RSRP1: variants seen among roughly 807,000 people sequenced by gnomAD.
RSRP1 encodes arginine and serine rich protein 1, also known as arginine/serine-rich protein 1.
A neutral mutation model predicts 33.0 loss-of-function variants in RSRP1; 37 were observed. The observed-to-expected ratio is 1.12, with a 90% CI of 0.86 to 1.48. The LOEUF (loss-of-function observed/expected upper bound fraction) is 1.48. Ranked by LOEUF, RSRP1 falls within the 40% of genes most tolerant of loss-of-function variation. RSRP1 has a pLI of 0.00. For synonymous variants in RSRP1, 167 were observed against 158.7 expected (o/e 1.05, Z -0.40); for missense variants, 402 against 385.3 (o/e 1.04, Z -0.36).
rs59919895 is a variant in RSRP1, at chr1:25,268,948, CAA to C, written c.-66-21921_-66-21920del. Among the ~76,000 whole-genome samples the C allele has an allele frequency of 1.1e-3, 78 of 72,570 alleles. 1 individual carries two copies. The highest frequency in any genetic ancestry group is 6.6e-3 in the East Asian group (27 of 4,090). The allele number at this position is 72,570 out of a possible 152,430, so 47.6% of individuals were successfully genotyped here. Reference sequence around the variant, plus strand: ...AGGCAACAAGAGCAAAACTTCATCTCAAAAAAAAAAAAAAAAATAGGGCAGTC... The same window carrying C: ...AGGCAACAAGAGCAAAACTTCATCTCAAAAAAAAAAAAAAATAGGGCAGTC... On this transcript the variant is annotated intron_variant, in intron 1 of 1. Coordinates refer to the RSRP1 transcript ENST00000561867.
At position 25,245,304 on chromosome 1, in the gene RSRP1, A is replaced by T. The variant is rs113744649; in HGVS notation, c.521-3T>A. On this transcript the variant is annotated splice_polypyrimidine_tract_variant and splice_region_variant and intron_variant, in intron 2 of 4. Coordinates refer to ENST00000243189, the MANE Select transcript of RSRP1 (RefSeq NM_020317.5). ...TATTTCTAACAGCTCCATTCGATCT[A>T]AAAAAAAAAGAGAGAGATTTTAAAA... 8.0e-7 allele frequency: 1 copy of T among 1,245,718 alleles called. No homozygotes were observed. The highest frequency in any genetic ancestry group is 1.1e-6 in the Non-Finnish European group (1 of 917,174). The allele number at this position is 1,245,718 out of a possible 1,614,324, so 77.2% of individuals were successfully genotyped here. A position where few individuals can be genotyped will look rare whatever the true frequency, so the allele number is the denominator to read the frequency against.
chr1:25,279,663 G>A (rs1422845480), intron 1 of RSRP1, among the ~76,000 whole-genome samples: 1 of 123,190 alleles, frequency 8.1e-6, no homozygotes, highest in South Asian at 2.5e-4. Flanking sequence ...TGCCTGGAAC[G>A]TGGGGTACTG....
At position 25,268,687 on chromosome 1, in the gene RSRP1, C is replaced by A. The variant is rs540147027; in HGVS notation, c.-66-21658G>T. On this transcript the variant is annotated intron_variant, in intron 1 of 1. Transcript: ENST00000561867. ...CAGAGGCCGGGCACAGTGGTTCACA[C>A]CTATAATCCCAGCACTTTGGGAGGT... 1.5e-5 allele frequency among the ~76,000 whole-genome samples: 2 copies of A among 130,388 alleles called. 1 individual carries two copies. The highest frequency in any genetic ancestry group is 3.9e-4 in the East Asian group (2 of 5,112). 85.5% of individuals were successfully genotyped at this position (130,388 alleles called of 152,430 possible).
chr1:25,268,400 TC>T lies in RSRP1; in HGVS notation c.-66-21372del, dbSNP rs754493645. On this transcript the variant is annotated intron_variant, in intron 1 of 1. Transcript: ENST00000561867. ...GCGGTGTGGTGGCTCATGCCTGTAG[TC>T]CCAGCTACTTGGGAGGCTGAGGAAG... Among the ~76,000 whole-genome samples, 165 of 130,880 alleles carry T rather than the reference TC, an allele frequency of 1.3e-3. 42 individuals carry two copies. The highest frequency in any genetic ancestry group is 2.5e-3 in the Non-Finnish European group (139 of 55,260). The allele number at this position is 130,880 out of a possible 152,430, so 85.9% of individuals were successfully genotyped here. A position where few individuals can be genotyped will look rare whatever the true frequency, so the allele number is the denominator to read the frequency against.
At chr1:25,256,007 G>T (rs887717280) in intron 1 of RSRP1, among the ~76,000 whole-genome samples, 20 of 152,174 alleles carry the variant, frequency 1.3e-4, no homozygotes, top group Non-Finnish European at 2.4e-4. Flanking sequence ...CATTGGCAAA[G>T]GGTGATACAT....
At chr1:25,271,195 T>A (rs1466489286) in intron 1 of RSRP1, among the ~76,000 whole-genome samples, 3 of 132,490 alleles carry the variant, frequency 2.3e-5, no homozygotes, top group African/African-American at 7.7e-5. Context: ...GAGCAAGAAG[T>A]GACTGATGCC....
At chr1:25,252,229 A>AT (rs59951328), upstream of RSRP1, among the ~76,000 whole-genome samples, 81 of 146,718 alleles carry the variant, frequency 5.5e-4, no homozygotes, top group East Asian at 1.4e-3. Flanking sequence ...CAGCTGGCTA[A>AT]TTTTTTTTTT....
chr1:25,336,716 T>C (rs1645081740), intron 1 of RSRP1, among the ~76,000 whole-genome samples: 1 of 151,044 alleles, frequency 6.6e-6, no homozygotes, highest in African/African-American at 2.5e-5. Flanking sequence ...GGTAAACTAA[T>C]GTTAAGTCAC....
chr1:25,258,549 C>T (rs773791602), intron 1 of RSRP1, among the ~76,000 whole-genome samples: 1 of 152,174 alleles, frequency 6.6e-6, no homozygotes, highest in Non-Finnish European at 1.5e-5. Context: ...AGACTGGCTC[C>T]TGCTGTCCTC....
chr1:25,261,090 G>T (rs540098370), intron 1 of RSRP1, among the ~76,000 whole-genome samples: 7 of 152,178 alleles, frequency 4.6e-5, no homozygotes, highest in African/African-American at 1.4e-4. Flanking sequence ...GTGAGCCACC[G>T]CACCCGGCCT....
intron 1 of RSRP1, chr1:25,322,072 G>C: frequency 1.7e-6 from 1 of 593,928 alleles, no homozygotes. Context: ...AACAAAAATG[G>C]AGTAAGGAGC....
intron 1 of RSRP1, chr1:25,329,320 C>A (rs1165482232): frequency 5.1e-6 from 2 of 393,838 alleles, no homozygotes; most frequent in East Asian, 3.5e-5. Flanking sequence ...TCTTGGCTCA[C>A]TGCAACCTCT....
At chr1:25,309,978 TAAAA>T (rs956074682) in intron 1 of RSRP1, among the ~76,000 whole-genome samples, 1 of 132,174 alleles carries the variant, frequency 7.6e-6, no homozygotes, top group East Asian at 2.0e-4. Flanking sequence ...ACTTATTACT[TAAAA>T]AAACCCCAAA....
chr1:25,306,308 G>C (rs1281573764), intron 1 of RSRP1, among the ~76,000 whole-genome samples: 1 of 131,822 alleles, frequency 7.6e-6, no homozygotes, highest in African/African-American at 2.6e-5. Context: ...GTCTACACTA[G>C]ACCCTTGCTA....
At chr1:25,272,627 T>C in intron 1 of RSRP1, 1 of 1,575,648 alleles carries the variant, frequency 6.3e-7, no homozygotes. Context: ...CTCATTCTCC[T>C]CTTCTATTTT....
intron 1 of RSRP1, among the ~76,000 whole-genome samples, chr1:25,313,831 T>A (rs574589580): frequency 1.5e-5 from 2 of 133,030 alleles, no homozygotes; most frequent in East Asian, 3.9e-4. Context: ...CTGAGAAAGC[T>A]GACTTGCAAG....
upstream of RSRP1, among the ~76,000 whole-genome samples, chr1:25,248,612 T>C (rs1324278384): frequency 6.6e-6 from 1 of 152,222 alleles, no homozygotes; most frequent in South Asian, 2.1e-4. Flanking sequence ...GCCCAGCCTA[T>C]ACACTTCTTT....
intron 2 of RSRP1, 99 bp from the exon 3 acceptor site, chr1:25,245,400 T>C (rs1449996557): frequency 2.4e-5 from 33 of 1,390,818 alleles, no homozygotes; most frequent in Non-Finnish European, 3.1e-5. Context: ...TTTTGTGGTA[T>C]TAAATATATT....
intron 1 of RSRP1, among the ~76,000 whole-genome samples, chr1:25,321,674 T>TAAATAAAATAAAATAAAACA (rs1644715211): frequency 1.1e-5 from 1 of 91,228 alleles, no homozygotes; most frequent in Admixed American, 1.2e-4. Flanking sequence ...TGTCTCAAAA[T>TAAATAAAATAAAATAAAACA]AAATAAAATA....
Sources: gnomAD v4.1 joint callset for allele counts (sites outside exome capture counted in the v4.1 genomes callset) on GRCh38, gnomAD v4.1.1 for gene constraint, MANE v1.5 for transcripts, NCBI Gene and HGNC (gene_info 2026-07-23, HGNC 2026-07-21) for gene names.